Variants in MYO16 observed in about 807,000 individuals in gnomAD.
The protein encoded by MYO16 is myosin XVI, also known as unconventional myosin-XVI.
In MYO16, 94 loss-of-function variants were observed where a neutral mutation model predicts 205.3. That is an observed-to-expected ratio of 0.46 (90% confidence interval 0.39 to 0.54). The LOEUF is 0.54. MYO16 is among the 20% of genes least tolerant of loss of function. MYO16 has a pLI of 0.00. For missense variants in MYO16, 2,315 were observed against 2,387.5 expected (o/e 0.97, Z 0.63); for synonymous variants, 988 against 954.0 (o/e 1.04, Z -0.66).
At chr13:109,131,646 G>A (rs1876546988) in intron 31 of MYO16, among the ~76,000 whole-genome samples, 1 of 152,154 alleles carries the variant, frequency 6.6e-6, no homozygotes, top group African/African-American at 2.4e-5. Context: ...GTTTTTGTTA[G>A]GTCAGTGCAA....
chr13:109,159,425 G>A (rs554468586), intron 32 of MYO16, among the ~76,000 whole-genome samples: 3 of 148,164 alleles, frequency 2.0e-5, no homozygotes, highest in East Asian at 3.9e-4. Flanking sequence ...GGTATGGAAA[G>A]TGTAGCTCCT....
the MYO16 span, among the ~76,000 whole-genome samples, chr13:108,586,744 T>C: frequency 1.3e-5 from 2 of 152,214 alleles, no homozygotes; most frequent in Non-Finnish European, 1.5e-5. Context: ...GTGGTGGGAT[T>C]CTTATGCTGA....
At chr13:108,967,704 G>T (rs1176385408) in intron 20 of MYO16, among the ~76,000 whole-genome samples, 1 of 152,190 alleles carries the variant, frequency 6.6e-6, no homozygotes, top group Non-Finnish European at 1.5e-5. Context: ...TAAAAAAATA[G>T]CAATAATATA....
At position 109,127,692 on chromosome 13, in the gene MYO16, A is replaced by C. The variant is rs1193772263; in HGVS notation, c.4051+142A>C. ...AATTGTTGGCTTGCCAGCAGCTCTT[A>C]ATCATTAAATATAAATAATATTTAT... On this transcript the variant is annotated intron_variant, in intron 31 of 34. Transcript: ENST00000457511. The surrounding 1 kb of genome is among the most constrained non-coding windows in gnomAD (Gnocchi z 4.2). 5 of 769,446 alleles carry C rather than the reference A, an allele frequency of 6.5e-6. No individual in the cohort carries two copies. Among genetic ancestry groups the C allele is most frequent in the Non-Finnish European group, 1.0e-5 (5 of 498,226 alleles). The allele number at this position is 769,446 out of a possible 1,614,324, so 47.7% of individuals were successfully genotyped here.
Position 108,910,072 on chromosome 13 carries a change from T to A in MYO16, c.1847T>A (p.Leu616His). Residue 616 changes from leucine (L) to histidine (H), a missense_variant, in exon 16 of 35, where the codon CTC (leucine) becomes CAC (histidine). Physicochemically the swap from Leu to His is moderately conservative, Grantham distance 99. Around this residue, in one of 3 missense-constraint regions of MYO16, gnomAD observed 1,213 missense variants for 1,274.4 expected, o/e 0.95. Transcript: ENST00000457511. ...VSQPLGQSNF[L>H]IFYLLMDGLS... The stretch of plus-strand genomic sequence containing the variant: ...CAACCTCTTGGCCAGAGCAATTTTC[T>A]CATTTTCTACTTGTTGATGGATGGG... 6.2e-7 allele frequency: 1 copy of A among 1,613,488 alleles called. No individual in the cohort carries two copies. The highest frequency in any genetic ancestry group is 8.5e-7 in the Non-Finnish European group (1 of 1,179,578).
the MYO16 span, among the ~76,000 whole-genome samples, chr13:108,574,399 C>G: frequency 1.3e-5 from 2 of 152,028 alleles, no homozygotes; most frequent in Non-Finnish European, 2.9e-5. Flanking sequence ...ACTGTGGTAT[C>G]AAGAGTCTAT....
At chr13:108,759,594 G>A (rs1885530190) in intron 4 of MYO16, among the ~76,000 whole-genome samples, 1 of 152,124 alleles carries the variant, frequency 6.6e-6, no homozygotes, top group Non-Finnish European at 1.5e-5. Flanking sequence ...GGCCGAGGTG[G>A]GCGGATCACG....
chr13:108,873,252 ATC>A (rs1176291196), intron 12 of MYO16, among the ~76,000 whole-genome samples: 1 of 152,270 alleles, frequency 6.6e-6, no homozygotes, highest in African/African-American at 2.4e-5. Flanking sequence ...ATATGATTAT[ATC>A]TGTAAAGATT....
chr13:108,631,593 C>T (rs1438095905), intron 1 of MYO16, among the ~76,000 whole-genome samples: 2 of 152,104 alleles, frequency 1.3e-5, no homozygotes, highest in African/African-American at 2.4e-5. Context: ...GATCTGACTG[C>T]TTTCTAAGCT....
chr13:108,987,672 C>T (rs1477437472), intron 20 of MYO16, among the ~76,000 whole-genome samples: 1 of 152,150 alleles, frequency 6.6e-6, no homozygotes, highest in African/African-American at 2.4e-5. Context: ...TTAATTCTTG[C>T]CCCATCTGGG....
At chr13:108,574,963 A>T in the MYO16 span, among the ~76,000 whole-genome samples, 3 of 152,092 alleles carry the variant, frequency 2.0e-5, no homozygotes, top group Non-Finnish European at 4.4e-5. Flanking sequence ...GACTAATTCT[A>T]GTATAAGGTG....
chr13:108,536,459 G>A, the MYO16 span, among the ~76,000 whole-genome samples: 1 of 124,174 alleles, frequency 8.1e-6, no homozygotes, highest in Non-Finnish European at 1.6e-5. Context: ...TGTATTTCAT[G>A]TATTCAGGAG....
At chr13:108,710,241 C>T (rs1033945056) in intron 2 of MYO16, among the ~76,000 whole-genome samples, 1 of 152,272 alleles carries the variant, frequency 6.6e-6, no homozygotes, top group African/African-American at 2.4e-5. Flanking sequence ...TTAAATGACA[C>T]GAACTTACAA....
intron 11 of MYO16, 27 bp downstream of exon 11, chr13:108,855,580 C>T: frequency 2.8e-6 from 4 of 1,442,928 alleles, no homozygotes; most frequent in Non-Finnish European, 3.8e-6. Context: ...TTGCCTTTTG[C>T]ACTGTTTTTC....
chr13:108,959,900 G>C (rs1566433140), intron 17 of MYO16, among the ~76,000 whole-genome samples: 1 of 151,748 alleles, frequency 6.6e-6, no homozygotes, highest in African/African-American at 2.4e-5. Context: ...GGACAGCACA[G>C]AGTCTTCGGC....
the MYO16 span, among the ~76,000 whole-genome samples, chr13:108,509,119 T>C: frequency 6.6e-6 from 1 of 152,150 alleles, no homozygotes; most frequent in Non-Finnish European, 1.5e-5. Context: ...TAAATTTTAG[T>C]AAAAGATAGT....
intron 1 of MYO16, among the ~76,000 whole-genome samples, chr13:108,663,141 A>G (rs1393451091): frequency 2.6e-5 from 4 of 152,112 alleles, no homozygotes; most frequent in African/African-American, 4.8e-5. Flanking sequence ...CTCTTCTTTC[A>G]GAGGATCTGT....
intron 1 of MYO16, among the ~76,000 whole-genome samples, chr13:108,660,488 A>G (rs1386329610): frequency 6.6e-6 from 1 of 152,056 alleles, no homozygotes; most frequent in African/African-American, 2.4e-5. Flanking sequence ...GGATTGTGAT[A>G]TTTTCCTGTT....
chr13:108,792,533 T>A (rs1886648338), intron 5 of MYO16, among the ~76,000 whole-genome samples: 1 of 137,654 alleles, frequency 7.3e-6, no homozygotes, highest in Non-Finnish European at 1.6e-5. Flanking sequence ...TTTTTTGAGA[T>A]GGAGTTTTGC....
Sources: allele counts gnomAD v4.1 joint callset (sites outside exome capture counted in the v4.1 genomes callset), GRCh38; gene constraint gnomAD v4.1.1; regional missense constraint gnomAD v4.1.1; non-coding constraint Gnocchi (gnomAD v3.1); transcripts MANE v1.5; gene names NCBI Gene and HGNC (gene_info 2026-07-23, HGNC 2026-07-21).